GABRB1: variants seen among roughly 807,000 people sequenced by gnomAD.
GABRB1 encodes the protein gamma-aminobutyric acid type A receptor subunit beta1.
A neutral mutation model predicts 51.6 loss-of-function variants in GABRB1; 17 were observed. The observed-to-expected ratio is 0.33, with a 90% CI of 0.23 to 0.49. The LOEUF (loss-of-function observed/expected upper bound fraction) is 0.49, where lower values mean the gene tolerates loss of function less well. Ranked by LOEUF, GABRB1 falls within the 20% of genes least tolerant of loss-of-function variation. The pLI is 0.99. For synonymous variants in GABRB1, 247 were observed against 218.9 expected (o/e 1.13, Z -1.14); for missense variants, 410 against 600.6 (o/e 0.68, Z 3.32).
chr4:47,257,101 G>T (rs1481351643), intron 4 of GABRB1, among the ~76,000 whole-genome samples: 2 of 152,116 alleles, frequency 1.3e-5, no homozygotes, highest in Non-Finnish European at 2.9e-5. Flanking sequence ...GGAAGAACCT[G>T]GTAGAAGATC....
At chr4:47,413,530 A>C (rs1328759634) in intron 8 of GABRB1, among the ~76,000 whole-genome samples, 2 of 152,248 alleles carry the variant, frequency 1.3e-5, no homozygotes, top group African/African-American at 4.8e-5. Flanking sequence ...AATATAAAAA[A>C]GACTATTAAT....
At chr4:47,087,336 T>C (rs948499294) in intron 3 of GABRB1, among the ~76,000 whole-genome samples, 2 of 152,158 alleles carry the variant, frequency 1.3e-5, no homozygotes, top group Admixed American at 1.3e-4. Context: ...TATGATTACA[T>C]ATAACATTGT....
chr4:47,218,045 A>G (rs1336889983), intron 4 of GABRB1, among the ~76,000 whole-genome samples: 1 of 151,702 alleles, frequency 6.6e-6, no homozygotes, highest in African/African-American at 2.4e-5. Flanking sequence ...CTTCCATGAC[A>G]GCAACTTTTT....
At chr4:47,192,953 T>A (rs528884377) in intron 4 of GABRB1, among the ~76,000 whole-genome samples, 2 of 152,294 alleles carry the variant, frequency 1.3e-5, no homozygotes, top group East Asian at 3.9e-4. Context: ...CTGAATAACC[T>A]CAAGTTCACT....
rs532556270 is a variant in GABRB1 at position 47,074,176 on chromosome 4, G to GA, written c.240+41698dup. 1.4e-4 allele frequency among the ~76,000 whole-genome samples: 21 copies of GA among 152,010 alleles called. No homozygotes were observed. In the East Asian group the frequency reaches 3.1e-3, roughly 22 times the overall value. On this transcript the variant is annotated intron_variant, in intron 3 of 8. Transcript: ENST00000295454. ...CGGAACAGTGAATGCTTTTCATATA[G>GA]AAAAAACATCCCTACAAGCAAATAC... is the stretch of plus-strand genomic sequence containing the variant.
chr4:47,173,575 C>T (rs1444887906), intron 4 of GABRB1, among the ~76,000 whole-genome samples: 2 of 152,158 alleles, frequency 1.3e-5, no homozygotes, highest in African/African-American at 4.8e-5. Context: ...ATGATATCTA[C>T]AAGTCACTTC....
At chr4:47,254,190 C>T (rs1722091261) in intron 4 of GABRB1, among the ~76,000 whole-genome samples, 1 of 152,008 alleles carries the variant, frequency 6.6e-6, no homozygotes, top group Non-Finnish European at 1.5e-5. Context: ...AAAGAATATG[C>T]TATCAGAAAA....
chr4:47,262,364 C>T (rs1414322263), intron 4 of GABRB1, among the ~76,000 whole-genome samples: 1 of 151,972 alleles, frequency 6.6e-6, no homozygotes, highest in Non-Finnish European at 1.5e-5. Context: ...ACAAACAACC[C>T]CATCAAAAAG....
chr4:47,054,772 A>T (rs922582532), intron 3 of GABRB1, among the ~76,000 whole-genome samples: 1 of 152,088 alleles, frequency 6.6e-6, no homozygotes, highest in Non-Finnish European at 1.5e-5. Flanking sequence ...TTTAGTAGAG[A>T]TGGGATTTCA....
intron 1 of GABRB1, among the ~76,000 whole-genome samples, chr4:46,995,894 T>C (rs1283033036): frequency 6.6e-6 from 1 of 152,204 alleles, no homozygotes; most frequent in Non-Finnish European, 1.5e-5. Context: ...AGTTATATTT[T>C]TGTTAATTGG....
At chr4:47,377,048 A>G (rs867526770) in intron 5 of GABRB1, among the ~76,000 whole-genome samples, 2 of 152,342 alleles carry the variant, frequency 1.3e-5, no homozygotes, top group African/African-American at 4.8e-5. Flanking sequence ...CAGGATAAAA[A>G]AAAAGGGTAG....
At chr4:47,016,939 GT>G (rs1255641274) in intron 1 of GABRB1, among the ~76,000 whole-genome samples, 1 of 152,094 alleles carries the variant, frequency 6.6e-6, no homozygotes, top group Non-Finnish European at 1.5e-5. Context: ...TTAAATGAGG[GT>G]AGAATCAGTT....
intron 5 of GABRB1, among the ~76,000 whole-genome samples, chr4:47,323,787 A>G (rs1194188777): frequency 4.6e-5 from 7 of 152,220 alleles, no homozygotes. Flanking sequence ...TGTTTTGTTT[A>G]ACTTGATGTC....
chr4:47,375,474 C>T (rs779409062), intron 5 of GABRB1, among the ~76,000 whole-genome samples: 4 of 152,090 alleles, frequency 2.6e-5, no homozygotes, highest in Non-Finnish European at 5.9e-5. Context: ...AAACACATAC[C>T]CTAACTTTAA....
At chr4:47,351,857 C>T (rs1307682644) in intron 5 of GABRB1, among the ~76,000 whole-genome samples, 12 of 151,940 alleles carry the variant, frequency 7.9e-5, no homozygotes, top group Admixed American at 7.2e-4. Flanking sequence ...GTGAATAGTG[C>T]CGCAATAAAC....
intron 3 of GABRB1, among the ~76,000 whole-genome samples, chr4:47,107,150 C>T (rs547673769): frequency 1.1e-4 from 17 of 152,008 alleles, no homozygotes; most frequent in Non-Finnish European, 2.2e-4. Flanking sequence ...TGAATGAACC[C>T]CACAAAATTT....
chr4:47,045,744 C>A (rs1475867819), intron 3 of GABRB1, among the ~76,000 whole-genome samples: 1 of 151,990 alleles, frequency 6.6e-6, no homozygotes. Flanking sequence ...AACCTAATAA[C>A]CTCCCAAAGA....
At chr4:47,308,425 G>T (rs1443793002) in intron 4 of GABRB1, among the ~76,000 whole-genome samples, 2 of 152,028 alleles carry the variant, frequency 1.3e-5, no homozygotes, top group African/African-American at 4.8e-5. Context: ...TCCCCTTAGG[G>T]AGCTGGGAAT....
At chr4:47,257,087 C>A (rs564515204) in intron 4 of GABRB1, among the ~76,000 whole-genome samples, 2 of 152,248 alleles carry the variant, frequency 1.3e-5, no homozygotes, top group Admixed American at 1.3e-4. Context: ...TGGGTTTAGT[C>A]AATGGAAGAA....
Sources: allele counts gnomAD v4.1 joint callset (sites outside exome capture counted in the v4.1 genomes callset), GRCh38; gene constraint gnomAD v4.1.1; transcripts MANE v1.5; gene names NCBI Gene and HGNC (gene_info 2026-07-23, HGNC 2026-07-21).